Variants in TEP1 observed in about 807,000 individuals in gnomAD.
TEP1 encodes the protein telomerase associated protein 1.
Under a neutral mutation model 306.3 loss-of-function variants are expected in TEP1, and 241 were observed. The observed-to-expected ratio is 0.79, with a 90% confidence interval of 0.71 to 0.88. The LOEUF (loss-of-function observed/expected upper bound fraction) is 0.88. TEP1 is among the 40% of genes least tolerant of loss of function. The probability of loss-of-function intolerance (pLI) is 0.00; values close to 1 mark genes in which losing one functional copy is unlikely to be tolerated. For synonymous variants in TEP1, 1,289 were observed against 1,305.5 expected (o/e 0.99, Z 0.27); for missense variants, 3,051 against 3,276.1 (o/e 0.93, Z 1.68).
chr14:20,404,849 G>A, intron 4 of TEP1, 77 bp from the exon 5 acceptor site: 1 of 1,494,542 alleles, frequency 6.7e-7, no homozygotes, highest in South Asian at 1.3e-5. Context: ...CTTGCTGATT[G>A]AGTGTGCCTG....
chr14:20,405,685 G>A, intron 3 of TEP1, 100 bp from the exon 4 acceptor site: 1 of 1,404,682 alleles, frequency 7.1e-7, no homozygotes. Context: ...CAGAGAGAAT[G>A]GACCCGAGAT....
At chr14:20,388,815 G>A (rs536628354) in intron 17 of TEP1, among the ~76,000 whole-genome samples, 1 of 152,244 alleles carries the variant, frequency 6.6e-6, no homozygotes, top group Non-Finnish European at 1.5e-5. Flanking sequence ...TGCTATGCCT[G>A]GATGGCTGTA....
At position 20,383,523 on chromosome 14, in the gene TEP1, G is replaced by T. The variant is rs771239348; in HGVS notation, c.3832C>A (p.Leu1278Met). 5.6e-6 allele frequency: 9 copies of T among 1,614,202 alleles called. No homozygotes were observed. Among genetic ancestry groups the T allele is most frequent in the Non-Finnish European group, 6.8e-6 (8 of 1,180,038 alleles). ...ADRLVDQNGQ[L>M]ISDWIPKKLP... ...TTCTTTGGGATCCAGTCTGAAATCA[G>T]CTGCCCATTCTGGTCCACTAACCTA... Residue 1278 changes from leucine to methionine, a missense_variant, in exon 26 of 55, where the codon CTG becomes ATG. By Grantham distance (15) the Leu-to-Met change is conservative (BLOSUM62 2). This residue lies in a region of TEP1 where 1,540 missense variants were observed against 1,705.9 expected (regional missense o/e 0.90). Coordinates refer to ENST00000262715, the MANE Select transcript of TEP1 (RefSeq NM_007110.5).
intron 9 of TEP1, 156 bp downstream of exon 9, chr14:20,400,828 T>G (rs1878650216): frequency 2.2e-6 from 2 of 889,546 alleles, no homozygotes; most frequent in Admixed American, 2.9e-5. Flanking sequence ...CACTGTTTAC[T>G]TTGGTGTAGT....
chr14:20,368,930 G>A, intron 53 of TEP1, 28 bp from the exon 54 acceptor site: 1 of 1,576,440 alleles, frequency 6.3e-7, no homozygotes, highest in Non-Finnish European at 8.7e-7. Flanking sequence ...AGAGCAGAAT[G>A]GTGAGTTCTC....
chr14:20,372,841 C>T lies in TEP1; in HGVS notation c.6968G>A (p.Gly2323Asp). Residue 2323 changes from glycine to aspartate, a missense_variant, in exon 49 of 55, where the codon GGT (glycine) becomes GAT (aspartate). Around this residue, in one of 3 missense-constraint regions of TEP1, gnomAD observed 1,540 missense variants for 1,705.9 expected, o/e 0.90. Transcript: ENST00000262715. Reference sequence around the variant, plus strand: ...GTGTGCCGAGGACCAGATCAGAGCACCAATGTGGCCTGGAGCCTGGTGTAC... The same window carrying T: ...GTGTGCCGAGGACCAGATCAGAGCATCAATGTGGCCTGGAGCCTGGTGTAC... ...VATAQAPGHI[G>D]ALIWSSAHTF... 1 of 1,614,166 alleles carries T rather than the reference C, an allele frequency of 6.2e-7. No individual in the cohort carries two copies. Among genetic ancestry groups the T allele is most frequent in the Non-Finnish European group, 8.5e-7 (1 of 1,180,040 alleles).
chr14:20,386,467 C>T lies in TEP1; in HGVS notation c.2841G>A (p.Glu947=). The T allele has an allele frequency of 6.2e-7, 1 of 1,607,982 alleles. No individual in the cohort carries two copies. ...CACACCTGTTCCTACGGGTCTCCTC[C>T]TCAGTGACGCCCCAGCGGAGGTCGA... ...HGIDLRWGVT[E]EETRRNRQLE... Residue 947 remains glutamate (E), a synonymous_variant, in exon 19 of 55, where the codon GAG becomes GAA. Transcript: ENST00000262715.
chr14:20,392,563 T>A (rs891333988), intron 12 of TEP1, among the ~76,000 whole-genome samples: 3 of 152,240 alleles, frequency 2.0e-5, no homozygotes, highest in African/African-American at 4.8e-5. Flanking sequence ...TTGGGGTCCC[T>A]GAACCTGGTT....
At chr14:20,378,576 T>C (rs777346448) in intron 37 of TEP1, 41 bp from the exon 38 acceptor site, 3 of 1,612,880 alleles carry the variant, frequency 1.9e-6, no homozygotes, top group South Asian at 1.1e-5. Flanking sequence ...TGAAGAGAGA[T>C]GCCTGAACTT....
Position 20,373,406 on chromosome 14 carries a change from G to A in TEP1, c.6682-4C>T, listed in dbSNP as rs1366763000. 10 of 1,614,112 alleles carry A rather than the reference G, an allele frequency of 6.2e-6. No individual in the cohort carries two copies. Among genetic ancestry groups the A allele is most frequent in the Non-Finnish European group, 8.5e-6 (10 of 1,180,014 alleles). ...GGAGGGTGTGGGTTTGGCACACCTA[G>A]GAGGAAGGGATGGAGATGGGCTCAT... On this transcript the variant is annotated splice_polypyrimidine_tract_variant and splice_region_variant and intron_variant, in intron 46 of 54. Transcript: ENST00000262715.
At position 20,386,086 on chromosome 14, in the gene TEP1, G is replaced by A. The variant is rs773090561; in HGVS notation, c.2971C>T (p.His991Tyr). The change falls in exon 20 of 55, where the codon CAC (histidine) becomes TAC (tyrosine). Residue 991 changes from histidine (H) to tyrosine (Y), a missense_variant. Physicochemically the swap from His to Tyr is moderately conservative, Grantham distance 83. Transcript: ENST00000262715. Reference sequence around the variant, plus strand: ...CCTGTCTGCCTTACCCAGTGGAAGTGTGGATGGTCAGGAAGGTTGTAGCTG... The same window carrying A: ...CCTGTCTGCCTTACCCAGTGGAAGTATGGATGGTCAGGAAGGTTGTAGCTG... The part of the protein sequence containing the change: ...PPSYNLPDHP[H>Y]FHWAQQYPSG... The A allele has an allele frequency of 1.2e-5, 20 of 1,610,058 alleles. No homozygotes were observed. Among genetic ancestry groups the A allele is most frequent in the Non-Finnish European group, 1.7e-5 (20 of 1,178,586 alleles).
In TEP1 at chr14:20,382,721, A is replaced by T; in HGVS notation, c.4048-6T>A. 2 of 1,613,902 alleles carry T rather than the reference A, an allele frequency of 1.2e-6. No homozygotes were observed. Among genetic ancestry groups the T allele is most frequent in the Non-Finnish European group, 1.7e-6 (2 of 1,179,932 alleles). On this transcript the variant is annotated splice_polypyrimidine_tract_variant and splice_region_variant and intron_variant, in intron 27 of 54. Coordinates refer to ENST00000262715, the MANE Select transcript of TEP1 (RefSeq NM_007110.5). ...TTCACCAGCAGCAGTCGCATCTGGC[A>T]AGACTCAGGACTCAGGGTGGGGTCC...
chr14:20,403,159 C>CAAAAAAAAAAAAAAAAAA (rs61465318), intron 7 of TEP1, among the ~76,000 whole-genome samples: 1 of 83,222 alleles, frequency 1.2e-5, no homozygotes, highest in Non-Finnish European at 2.4e-5. Context: ...AACTTCATCT[C>CAAAAAAAAAAAAAAAAAA]AAAAAAAAAA....
chr14:20,396,776 A>T, intron 9 of TEP1, 46 bp from the exon 10 acceptor site: 3 of 1,384,282 alleles, frequency 2.2e-6, no homozygotes, highest in Non-Finnish European at 3.0e-6. Context: ...TGAGAAGGCC[A>T]GGCACAGTGG....
intron 34 of TEP1, 88 bp from the exon 35 acceptor site, chr14:20,380,141 T>G: frequency 1.3e-6 from 2 of 1,581,050 alleles, no homozygotes; most frequent in Non-Finnish European, 1.7e-6. Context: ...TGGATCCCTC[T>G]CCAGTGTTTC....
Position 20,379,920 on chromosome 14 carries a change from A to AT in TEP1, c.5127+9dup. 2 of 1,605,976 alleles carry AT rather than the reference A, an allele frequency of 1.2e-6. No homozygotes were observed. The highest frequency in any genetic ancestry group is 1.7e-6 in the Non-Finnish European group (2 of 1,177,202). On this transcript the variant is annotated intron_variant, in intron 35 of 54. Transcript: ENST00000262715. Reference sequence around the variant, plus strand: ...AGAGGGTAAATTCTGCCCCTCCTTGATTGTCATACCTGCCAAGTTCTCAGG... The same window carrying AT: ...AGAGGGTAAATTCTGCCCCTCCTTGATTTGTCATACCTGCCAAGTTCTCAGG...
intron 50 of TEP1, 53 bp from the exon 51 acceptor site, chr14:20,371,367 A>G (rs376834454): frequency 1.9e-6 from 3 of 1,594,676 alleles, no homozygotes; most frequent in African/African-American, 2.7e-5. Context: ...AGAGGTAAAG[A>G]GAAGAACACC....
intron 4 of TEP1, 28 bp downstream of exon 4, chr14:20,405,421 ACC>A (rs1566483289): frequency 1.9e-6 from 3 of 1,605,430 alleles, no homozygotes; most frequent in Non-Finnish European, 2.6e-6. Context: ...CCAGCTTCAC[ACC>A]CCCATCCCCT....
At position 20,403,738 on chromosome 14, in the gene TEP1, C is replaced by A. The variant is rs1170207312; in HGVS notation, c.1179G>T (p.Arg393=). The change falls in exon 6 of 55, where the codon CGG becomes CGT. Residue 393 remains arginine (R), a synonymous_variant. Coordinates refer to ENST00000262715, the MANE Select transcript of TEP1 (RefSeq NM_007110.5). ...RKHRAKRHPR[R]PPRSPGMEPP... ...AGTGACTGACTGGAGAGCGGGGTGG[C>A]CGGCGGGGGTGTCTCTTGGCCCGGT... is the stretch of plus-strand genomic sequence containing the variant. 1 of 1,613,564 alleles carries A rather than the reference C, an allele frequency of 6.2e-7. No individual in the cohort carries two copies. The highest frequency in any genetic ancestry group is 8.5e-7 in the Non-Finnish European group (1 of 1,180,014).
Sources: allele counts gnomAD v4.1 joint callset (sites outside exome capture counted in the v4.1 genomes callset), GRCh38; gene constraint gnomAD v4.1.1; regional missense constraint gnomAD v4.1.1; transcripts MANE v1.5; gene names NCBI Gene and HGNC (gene_info 2026-07-23, HGNC 2026-07-21).